HOOK3: variants seen among roughly 807,000 people sequenced by gnomAD.
The protein encoded by HOOK3 is protein Hook homolog 3.
Under a neutral mutation model 116.3 loss-of-function variants are expected in HOOK3, and 24 were observed. That is an observed-to-expected ratio of 0.21 (90% CI 0.15 to 0.29). HOOK3 has a LOEUF of 0.29. HOOK3 is among the 10% of genes least tolerant of loss of function. HOOK3 has a pLI of 1.00. For synonymous variants in HOOK3, 275 were observed against 283.0 expected (o/e 0.97, Z 0.28); for missense variants, 632 against 830.2 (o/e 0.76, Z 2.93).
chr8:42,967,476 AC>A (rs1482930228), intron 10 of HOOK3, among the ~76,000 whole-genome samples: 1 of 151,810 alleles, frequency 6.6e-6, no homozygotes, highest in Non-Finnish European at 1.5e-5. Context: ...AGTGTTCTGG[AC>A]CTCTACCTTT....
At chr8:42,922,474 C>T (rs1807675737) in intron 2 of HOOK3, among the ~76,000 whole-genome samples, 1 of 151,962 alleles carries the variant, frequency 6.6e-6, no homozygotes, top group African/African-American at 2.4e-5. Flanking sequence ...TGGCTTGAGC[C>T]CAGGAATACA....
chr8:42,932,934 A>G (rs1258839072), intron 4 of HOOK3, among the ~76,000 whole-genome samples: 3 of 152,116 alleles, frequency 2.0e-5, no homozygotes, highest in Admixed American at 2.0e-4. Flanking sequence ...GATTTATATT[A>G]TATATTTCTT....
At position 43,004,901 on chromosome 8, in the gene HOOK3, A is replaced by G. The variant is rs114422247; in HGVS notation, c.1655+2760A>G. Reference sequence around the variant, plus strand: ...CTATATATATCCAAGATTCCTAGAAATATTGTCCGTGCATACCAGGAGGCA... The same window carrying G: ...CTATATATATCCAAGATTCCTAGAAGTATTGTCCGTGCATACCAGGAGGCA... On this transcript the variant is annotated intron_variant, in intron 17 of 21. Transcript: ENST00000307602. Among the ~76,000 whole-genome samples, 527 of 152,156 alleles carry G rather than the reference A, an allele frequency of 3.5e-3. 4 individuals are homozygous for G. The highest frequency in any genetic ancestry group is 0.012 in the African/African-American group (512 of 41,530).
intron 11 of HOOK3, among the ~76,000 whole-genome samples, chr8:42,972,827 ATCTCCTTTTAAAGCTCT>A: frequency 6.6e-6 from 1 of 152,260 alleles, no homozygotes; most frequent in Non-Finnish European, 1.5e-5. Flanking sequence ...ACAACCACTC[ATCTCCTTTTAAAGCTCT>A]AGGTTCCTGT....
chr8:42,990,735 A>G (rs905136490), intron 15 of HOOK3, among the ~76,000 whole-genome samples: 3 of 151,982 alleles, frequency 2.0e-5, no homozygotes, highest in Non-Finnish European at 4.4e-5. Context: ...CCCTTGTGAG[A>G]TGGGGAGTTT....
At chr8:43,011,920 G>A (rs1277230301) in intron 19 of HOOK3, among the ~76,000 whole-genome samples, 1 of 152,110 alleles carries the variant, frequency 6.6e-6, no homozygotes, top group African/African-American at 2.4e-5. Flanking sequence ...GGGTGGAGAA[G>A]TAAAAAGACC....
intron 5 of HOOK3, among the ~76,000 whole-genome samples, chr8:42,945,640 A>G (rs571228571): frequency 2.0e-5 from 3 of 152,276 alleles, no homozygotes; most frequent in African/African-American, 7.2e-5. Context: ...ATTTTCATTC[A>G]GTTATTTTAT....
At chr8:42,990,039 C>T (rs1313346645) in intron 15 of HOOK3, among the ~76,000 whole-genome samples, 1 of 152,032 alleles carries the variant, frequency 6.6e-6, no homozygotes, top group Admixed American at 6.6e-5. Context: ...CTCTGTCGCC[C>T]AGGCTGGACT....
At chr8:42,992,086 T>C (rs1440345069) in intron 15 of HOOK3, among the ~76,000 whole-genome samples, 1 of 152,178 alleles carries the variant, frequency 6.6e-6, no homozygotes, top group African/African-American at 2.4e-5. Context: ...TCAGATTGTT[T>C]GCTGTTGGCC....
rs764513803 is a variant in HOOK3 at position 42,970,782 on chromosome 8, C to CTT, written c.1123-2487_1123-2486dup. Among the ~76,000 whole-genome samples the CTT allele has an allele frequency of 3.0e-3, 277 of 93,832 alleles. 12 individuals carry two copies. Among genetic ancestry groups the CTT allele is most frequent in the South Asian group, 8.8e-3 (26 of 2,946 alleles). 61.6% of individuals were successfully genotyped at this position (93,832 alleles called of 152,430 possible). ...GTAAAGAAATAAAAGGAATTTGGGTCTTTTTTTTTTTTTTTTTTTTTCTGA... is the reference window on the plus strand; with the variant it reads ...GTAAAGAAATAAAAGGAATTTGGGTCTTTTTTTTTTTTTTTTTTTTTTTCTGA... On this transcript the variant is annotated intron_variant, in intron 11 of 21. Coordinates refer to ENST00000307602, the MANE Select transcript of HOOK3 (RefSeq NM_032410.4).
intron 21 of HOOK3, 134 bp from the exon 22 acceptor site, chr8:43,018,224 T>C (rs1432588889): frequency 2.6e-6 from 2 of 758,006 alleles, no homozygotes; most frequent in Non-Finnish European, 3.9e-6. Context: ...GATTTTAATC[T>C]ATAGTGAGTA....
At chr8:42,943,505 T>C in intron 5 of HOOK3, 60 bp downstream of exon 5, 2 of 1,125,744 alleles carry the variant, frequency 1.8e-6, no homozygotes, top group Non-Finnish European at 2.3e-6. Flanking sequence ...GTGTATATTT[T>C]ATATTTTATA....
Position 42,966,506 on chromosome 8 carries a change from T to C in HOOK3, c.813T>C (p.Arg271=), listed in dbSNP as rs765568145. 3 of 1,614,130 alleles carry C rather than the reference T, an allele frequency of 1.9e-6. No individual in the cohort carries two copies. Among genetic ancestry groups the C allele is most frequent in the South Asian group, 2.2e-5 (2 of 91,072 alleles). Residue 271 remains arginine (R), a synonymous_variant, in exon 10 of 22, where the codon CGT becomes CGC. Transcript: ENST00000307602. ...LEAAKDDYRI[R]CEELEKEISE... ...CAGCCAAAGATGATTATCGAATACG[T>C]TGTGAAGAGTTAGAAAAGGAGATCT...
rs1809856735 is a variant in HOOK3 at position 43,022,966 on chromosome 8, G to A, written c.*4468G>A. ...TCACGCCTGTAATCCCAGCACTTTG[G>A]GAGGCCAAGGCAGGCGGATCACCTG... On this transcript the variant is annotated 3_prime_UTR_variant, in exon 22 of 22. Transcript: ENST00000307602. The A allele has an allele frequency of 6.3e-6, 1 of 158,726 alleles. No homozygotes were observed. The highest frequency in any genetic ancestry group is 6.5e-5 in the Admixed American group (1 of 15,440). 9.8% of individuals were successfully genotyped at this position (158,726 alleles called of 1,614,324 possible). A position where few individuals can be genotyped will look rare whatever the true frequency, so the allele number is the denominator to read the frequency against.
intron 19 of HOOK3, among the ~76,000 whole-genome samples, chr8:43,012,388 C>T (rs1051024180): frequency 2.0e-5 from 3 of 152,134 alleles, no homozygotes; most frequent in African/African-American, 7.2e-5. Context: ...TTTTCAGCTC[C>T]TTATAATCTT....
intron 2 of HOOK3, among the ~76,000 whole-genome samples, chr8:42,921,135 G>A (rs919462492): frequency 2.6e-5 from 4 of 151,786 alleles, no homozygotes; most frequent in African/African-American, 9.7e-5. Context: ...AGATCTTGGA[G>A]TATATAATTT....
At position 43,005,311 on chromosome 8, in the gene HOOK3, C is replaced by G. The variant is rs566288651; in HGVS notation, c.1656-2536C>G. On this transcript the variant is annotated intron_variant, in intron 17 of 21. Transcript: ENST00000307602. Reference sequence around the variant, plus strand: ...TCTCAGCTCACTGCAAGCTCCGCTTCCCGGGTTCACGACATTCTCCTGCCT... The same window carrying G: ...TCTCAGCTCACTGCAAGCTCCGCTTGCCGGGTTCACGACATTCTCCTGCCT... Among the ~76,000 whole-genome samples the G allele has an allele frequency of 1.8e-4, 27 of 146,952 alleles. No individual in the cohort carries two copies. In the South Asian group the frequency reaches 5.6e-3, roughly 30 times the overall value.
chr8:42,922,552 G>C (rs911215530), intron 2 of HOOK3, among the ~76,000 whole-genome samples: 2 of 151,734 alleles, frequency 1.3e-5, no homozygotes, highest in Admixed American at 1.3e-4. Context: ...GTGGGAACCT[G>C]TCTCTTAAAA....
chr8:42,970,022 C>T (rs1251877151), intron 11 of HOOK3, among the ~76,000 whole-genome samples: 1 of 152,078 alleles, frequency 6.6e-6, no homozygotes, highest in Non-Finnish European at 1.5e-5. Flanking sequence ...AGGTTATAGT[C>T]TAATCTTCTC....
Sources: allele counts gnomAD v4.1 joint callset (sites outside exome capture counted in the v4.1 genomes callset), GRCh38; gene constraint gnomAD v4.1.1; transcripts MANE v1.5; gene names NCBI Gene and HGNC (gene_info 2026-07-23, HGNC 2026-07-21).